The following PPFIA1 variants were observed in gnomAD, a reference collection of about 807,000 sequenced individuals.
PPFIA1 encodes PPFI scaffold protein A1, also known as liprin-alpha-1.
Under a neutral mutation model 149.9 loss-of-function variants are expected in PPFIA1, and 25 were observed. That is an observed-to-expected ratio of 0.17 (90% CI 0.12 to 0.23). The LOEUF is 0.23. PPFIA1 is among the 10% of genes least tolerant of loss of function. The pLI is 1.00. For missense variants in PPFIA1, 1,362 were observed against 1,506.5 expected, an observed-to-expected ratio of 0.90 and a Z score of 1.59; for synonymous variants, 549 against 552.8, an observed-to-expected ratio of 0.99 and a Z score of 0.10.
intron 15 of PPFIA1, 46 bp from the exon 16 acceptor site, chr11:70,348,143 T>C (rs1477222847): frequency 2.6e-6 from 4 of 1,553,666 alleles, no homozygotes; most frequent in Non-Finnish European, 3.6e-6. Context: ...AACACATTAA[T>C]CTGTTTGCCG....
intron 16 of PPFIA1, chr11:70,351,059 T>G (rs929525441): frequency 2.3e-5 from 26 of 1,120,606 alleles, no homozygotes; most frequent in Middle Eastern, 4.8e-4. Flanking sequence ...TCTTTGTATC[T>G]CCATAATGTA....
At chr11:70,376,089 A>G (rs1342044023) in intron 24 of PPFIA1, among the ~76,000 whole-genome samples, 1 of 151,866 alleles carries the variant, frequency 6.6e-6, no homozygotes, top group Non-Finnish European at 1.5e-5. Context: ...CCCAGGTTCA[A>G]GTGATTTTCC....
intron 21 of PPFIA1, 108 bp downstream of exon 21, chr11:70,362,596 TA>T: frequency 8.5e-7 from 1 of 1,181,236 alleles, no homozygotes. Context: ...GCATATGAAG[TA>T]TAGTTCTAAT....
At chr11:70,376,005 T>G (rs1402732524) in intron 24 of PPFIA1, among the ~76,000 whole-genome samples, 1 of 151,462 alleles carries the variant, frequency 6.6e-6, no homozygotes, top group Non-Finnish European at 1.5e-5. Context: ...TTGTTTGTTT[T>G]GAGATGGAGT....
At chr11:70,332,555 C>T (rs536232580) in intron 9 of PPFIA1, among the ~76,000 whole-genome samples, 1 of 152,080 alleles carries the variant, frequency 6.6e-6, no homozygotes, top group Non-Finnish European at 1.5e-5. Context: ...TTTGAAATTA[C>T]TTAAAAATGT....
intron 2 of PPFIA1, among the ~76,000 whole-genome samples, chr11:70,291,112 C>T (rs1361920003): frequency 6.6e-6 from 1 of 152,084 alleles, no homozygotes; most frequent in Admixed American, 6.6e-5. Context: ...CTTGAACTCC[C>T]GACCTCAGGT....
chr11:70,325,609 G>T, intron 5 of PPFIA1, 35 bp downstream of exon 5: 2 of 1,447,130 alleles, frequency 1.4e-6, no homozygotes, highest in Non-Finnish European at 1.9e-6. Flanking sequence ...TTGAATTGGG[G>T]GGGGGTTATT....
In PPFIA1 at chr11:70,376,605, GT is replaced by G; in HGVS notation, c.3384+10del. Reference sequence around the variant, plus strand: ...ACTGATAGAAGGTTTGATGAAGTAAGTTTTTGGCCTAATGTTCTTTAAATGT... The same window carrying G: ...ACTGATAGAAGGTTTGATGAAGTAAGTTTTGGCCTAATGTTCTTTAAATGT... On this transcript the variant is annotated splice_donor_region_variant and intron_variant, in intron 25 of 27. Coordinates refer to ENST00000253925, the MANE Select transcript of PPFIA1 (RefSeq NM_003626.5). 1 of 1,607,742 alleles carries G rather than the reference GT, an allele frequency of 6.2e-7. No individual in the cohort carries two copies. Among genetic ancestry groups the G allele is most frequent in the Non-Finnish European group, 8.5e-7 (1 of 1,174,166 alleles).
chr11:70,362,367 C>G lies in PPFIA1; in HGVS notation c.2744C>G (p.Ser915Cys). The stretch of plus-strand genomic sequence containing the variant: ...AGCGGGGCCATCATGTCGGCCCTGT[C>G]CGACACAGAGATCCAGCGTGAGATT... Reference protein sequence around the residue: ...VKSGAIMSALSDTEIQREIGI... With the variant: ...VKSGAIMSALCDTEIQREIGI... The change falls in exon 21 of 28, where the codon TCC (serine) becomes TGC (cysteine). Residue 915 changes from serine to cysteine, a missense_variant. Ser to Cys is a moderately radical substitution (Grantham distance 112). Coordinates refer to ENST00000253925, the MANE Select transcript of PPFIA1 (RefSeq NM_003626.5). 1 of 1,614,192 alleles carries G rather than the reference C, an allele frequency of 6.2e-7. No homozygotes were observed. The highest frequency in any genetic ancestry group is 8.5e-7 in the Non-Finnish European group (1 of 1,180,044).
intron 19 of PPFIA1, 38 bp downstream of exon 19, chr11:70,356,292 T>A: frequency 6.6e-7 from 1 of 1,508,420 alleles, no homozygotes; most frequent in South Asian, 1.1e-5. Flanking sequence ...ATTGAATGGT[T>A]TTCAGTTGTG....
chr11:70,379,981 G>C lies in PPFIA1; in HGVS notation c.3550+1786G>C, dbSNP rs140600784. Among the ~76,000 whole-genome samples the C allele has an allele frequency of 1.2e-3, 183 of 152,338 alleles. 1 individual carries two copies. Among genetic ancestry groups the C allele is most frequent in the African/African-American group, 4.0e-3 (168 of 41,572 alleles). On this transcript the variant is annotated intron_variant, in intron 26 of 27. Transcript: ENST00000253925. ...AACTGTGACTTGGCCTTCAGCTCAA[G>C]CTCTGTCACCTGGAGTCCACGAGTG...
At chr11:70,361,953 G>T in intron 19 of PPFIA1, 142 bp from the exon 20 acceptor site, 1 of 690,108 alleles carries the variant, frequency 1.4e-6, no homozygotes, top group Non-Finnish European at 2.5e-6. Flanking sequence ...TAGAGTTGGG[G>T]TCTCGCTGTG....
chr11:70,279,722 G>GGTGTGTGTGTGTGT (rs71046599), intron 2 of PPFIA1, among the ~76,000 whole-genome samples: 8 of 135,308 alleles, frequency 5.9e-5, no homozygotes, highest in Admixed American at 3.7e-4. Flanking sequence ...TATGTGTCTA[G>GGTGTGTGTGTGTGT]GTGTGTGTGT....
intron 2 of PPFIA1, among the ~76,000 whole-genome samples, chr11:70,300,633 A>G (rs950067601): frequency 2.0e-5 from 3 of 149,514 alleles, no homozygotes; most frequent in African/African-American, 4.9e-5. Context: ...TCCTGGTTTC[A>G]TGCCATTCTC....
At chr11:70,276,127 G>A (rs1363680991) in intron 2 of PPFIA1, among the ~76,000 whole-genome samples, 1 of 152,126 alleles carries the variant, frequency 6.6e-6, no homozygotes, top group Non-Finnish European at 1.5e-5. Context: ...TTATTTTTGA[G>A]ATGGGGTCTT....
intron 2 of PPFIA1, among the ~76,000 whole-genome samples, chr11:70,302,641 G>C (rs905354659): frequency 6.6e-6 from 1 of 152,144 alleles, no homozygotes; most frequent in African/African-American, 2.4e-5. Context: ...GCTTTAACAA[G>C]TCCATTTATA....
intron 19 of PPFIA1, among the ~76,000 whole-genome samples, chr11:70,361,402 C>G (rs1430708247): frequency 6.6e-6 from 1 of 152,060 alleles, no homozygotes; most frequent in African/African-American, 2.4e-5. Flanking sequence ...AATGTAAGTG[C>G]TATGTAAATA....
chr11:70,378,353 C>T (rs574299936), intron 26 of PPFIA1, 158 bp downstream of exon 26: 4 of 1,308,800 alleles, frequency 3.1e-6, no homozygotes, highest in Non-Finnish European at 3.9e-6. Context: ...TTAACTCTAA[C>T]ATTTGTTTAT....
intron 15 of PPFIA1, among the ~76,000 whole-genome samples, chr11:70,347,526 AC>A (rs2055782309): frequency 6.6e-6 from 1 of 152,062 alleles, no homozygotes; most frequent in Non-Finnish European, 1.5e-5. Flanking sequence ...ACATAGGAAG[AC>A]CTTGTCTCTA....
Sources: allele counts gnomAD v4.1 joint callset (sites outside exome capture counted in the v4.1 genomes callset), GRCh38; gene constraint gnomAD v4.1.1; transcripts MANE v1.5; gene names NCBI Gene and HGNC (gene_info 2026-07-23, HGNC 2026-07-21).